DAB1: variants seen among roughly 807,000 people sequenced by gnomAD.
DAB1 encodes DAB adaptor protein 1.
DAB1 carries 15 observed loss-of-function variants against 64.6 expected under a neutral mutation model. That is an observed-to-expected ratio of 0.23 (90% CI 0.16 to 0.36). DAB1 has a LOEUF of 0.36. Ranked by LOEUF, DAB1 falls within the 10% of genes least tolerant of loss-of-function variation. The pLI is 1.00. For synonymous variants in DAB1, 235 were observed against 251.9 expected (o/e 0.93, Z 0.64); for missense variants, 596 against 706.7 (o/e 0.84, Z 1.78).
chr1:57,738,244 G>A (rs1647790814), intron 6 of DAB1, among the ~76,000 whole-genome samples: 1 of 152,186 alleles, frequency 6.6e-6, no homozygotes, highest in Admixed American at 6.5e-5. Context: ...TTGAAGGTAG[G>A]AAGTAATAAA....
In DAB1 at chr1:57,415,284, T is replaced by TGC. The variant is rs1558343007; in HGVS notation, c.-137+8645_-137+8646insGC. On this transcript the variant is annotated intron_variant, in intron 1 of 14. Transcript: ENST00000371236. The stretch of plus-strand genomic sequence containing the variant: ...ACACACACACACACACACACACATA[T>TGC]ATGCACACACTCCACATGGATTAGA... Among the ~76,000 whole-genome samples, 218 of 131,022 alleles carry TGC rather than the reference T, an allele frequency of 1.7e-3. 1 individual carries two copies. Among genetic ancestry groups the TGC allele is most frequent in the African/African-American group, 6.2e-3 (206 of 32,996 alleles). The allele number at this position is 131,022 out of a possible 152,430, so 86.0% of individuals were successfully genotyped here. A position where few individuals can be genotyped will look rare whatever the true frequency, so the allele number is the denominator to read the frequency against.
intron 4 of DAB1, among the ~76,000 whole-genome samples, chr1:58,279,284 T>C (rs1263851083): frequency 6.6e-6 from 1 of 152,154 alleles, no homozygotes; most frequent in Non-Finnish European, 1.5e-5. Flanking sequence ...AGTTACTTCT[T>C]CCCAAAGAGC....
At chr1:57,817,568 G>T (rs1370675999) in intron 6 of DAB1, among the ~76,000 whole-genome samples, 1 of 152,200 alleles carries the variant, frequency 6.6e-6, no homozygotes, top group Non-Finnish European at 1.5e-5. Context: ...ACACTTCTTG[G>T]CAGCCAAGGG....
intron 5 of DAB1, among the ~76,000 whole-genome samples, chr1:58,013,135 A>G (rs1646692061): frequency 6.6e-6 from 1 of 152,220 alleles, no homozygotes; most frequent in African/African-American, 2.4e-5. Context: ...AGTCTGTGAT[A>G]TGAGAAACCT....
At chr1:57,170,769 T>C (rs549280900) in intron 2 of DAB1, among the ~76,000 whole-genome samples, 3 of 152,284 alleles carry the variant, frequency 2.0e-5, no homozygotes, top group Admixed American at 6.5e-5. Flanking sequence ...ATCATTCTCT[T>C]CCCTGAAAGG....
At chr1:57,053,833 G>A (rs1317825617) in intron 9 of DAB1, among the ~76,000 whole-genome samples, 3 of 151,278 alleles carry the variant, frequency 2.0e-5, no homozygotes, top group Non-Finnish European at 4.4e-5. Flanking sequence ...GACTACAGAA[G>A]TGTGCCACCA....
chr1:57,841,547 A>G (rs994049956), intron 1 of DAB1, among the ~76,000 whole-genome samples: 5 of 152,208 alleles, frequency 3.3e-5, no homozygotes, highest in African/African-American at 1.2e-4. Context: ...CCTAAAGCTC[A>G]ACTCTTGTCT....
chr1:58,261,500 G>C (rs1356994685), intron 4 of DAB1, among the ~76,000 whole-genome samples: 1 of 152,148 alleles, frequency 6.6e-6, no homozygotes, highest in Non-Finnish European at 1.5e-5. Flanking sequence ...TCTCTCAAGA[G>C]AGAAGGAAAA....
chr1:57,504,122 C>T (rs1644318556), intron 7 of DAB1, among the ~76,000 whole-genome samples: 1 of 152,116 alleles, frequency 6.6e-6, no homozygotes, highest in Non-Finnish European at 1.5e-5. Flanking sequence ...TATTTGCTTA[C>T]TGTGAGACAT....
intron 5 of DAB1, among the ~76,000 whole-genome samples, chr1:57,940,794 TG>T (rs1645092919): frequency 6.6e-6 from 1 of 152,178 alleles, no homozygotes; most frequent in Non-Finnish European, 1.5e-5. Flanking sequence ...GAGAAGCCCT[TG>T]GCAAAGTGTG....
intron 7 of DAB1, among the ~76,000 whole-genome samples, chr1:57,546,743 A>G (rs1435732410): frequency 6.6e-6 from 1 of 152,172 alleles, no homozygotes; most frequent in Non-Finnish European, 1.5e-5. Flanking sequence ...GGGCTACACC[A>G]TCTAGGTTTG....
chr1:57,740,046 C>CTACAAA (rs1320762175), intron 6 of DAB1, among the ~76,000 whole-genome samples: 2 of 103,116 alleles, frequency 1.9e-5, no homozygotes, highest in East Asian at 2.6e-4. Flanking sequence ...ACTACTACTA[C>CTACAAA]AAAAAAAAAA....
At chr1:57,929,003 A>G (rs1390059420) in intron 5 of DAB1, among the ~76,000 whole-genome samples, 1 of 152,176 alleles carries the variant, frequency 6.6e-6, no homozygotes, top group African/African-American at 2.4e-5. Context: ...TAGTTTTGTA[A>G]AAAAACTGCC....
At chr1:58,345,589 T>C (rs948707883) in intron 3 of DAB1, among the ~76,000 whole-genome samples, 12 of 152,208 alleles carry the variant, frequency 7.9e-5, no homozygotes, top group African/African-American at 2.9e-4. Context: ...CCTGGAATCC[T>C]GGCAAAGGAT....
chr1:58,489,058 C>G (rs986808478), intron 3 of DAB1, among the ~76,000 whole-genome samples: 1 of 152,220 alleles, frequency 6.6e-6, no homozygotes, highest in Non-Finnish European at 1.5e-5. Flanking sequence ...AACTGAGGTA[C>G]TGGGTGCATC....
chr1:57,482,402 C>T (rs995275581), intron 7 of DAB1, among the ~76,000 whole-genome samples: 3 of 146,340 alleles, frequency 2.1e-5, no homozygotes, highest in Middle Eastern at 3.8e-3. Flanking sequence ...GTCATTACCT[C>T]GAAGTACTTT....
At chr1:58,025,474 CATCCCTTCAGCTT>C (rs1646875223) in intron 5 of DAB1, among the ~76,000 whole-genome samples, 1 of 151,536 alleles carries the variant, frequency 6.6e-6, no homozygotes, top group African/African-American at 2.4e-5. Context: ...TCTAAACTTT[CATCCCTTCAGCTT>C]CATAGATTTT....
intron 5 of DAB1, among the ~76,000 whole-genome samples, chr1:58,140,944 A>G (rs1654248897): frequency 6.6e-6 from 1 of 152,232 alleles, no homozygotes. Flanking sequence ...GTCCGTTACT[A>G]TAAAGAAATA....
At chr1:57,357,335 C>T (rs1378181884) in intron 1 of DAB1, among the ~76,000 whole-genome samples, 1 of 151,988 alleles carries the variant, frequency 6.6e-6, no homozygotes, top group African/African-American at 2.4e-5. Flanking sequence ...TAACCTTTAA[C>T]TGTAGAACCT....
Sources: gnomAD v4.1 joint callset for allele counts (sites outside exome capture counted in the v4.1 genomes callset) on GRCh38, gnomAD v4.1.1 for gene constraint, MANE v1.5 for transcripts, NCBI Gene and HGNC (gene_info 2026-07-23, HGNC 2026-07-21) for gene names.